TBXT: variants seen among roughly 807,000 people sequenced by gnomAD.
The protein encoded by TBXT is T brachyury transcription factor.
A neutral mutation model predicts 41.1 loss-of-function variants in TBXT; 19 were observed. The ratio of observed to expected loss-of-function variants is 0.46; its 90% confidence interval spans 0.32 to 0.68. The LOEUF is 0.68. Among genes scored for constraint, TBXT ranks in the 30% least tolerant of loss-of-function variants. TBXT has a pLI of 0.03. For missense variants in TBXT, 536 were observed against 582.0 expected (o/e 0.92, Z 0.81); for synonymous variants, 213 against 238.9 (o/e 0.89, Z 1.00).
chr6:166,158,011 G>T lies in TBXT; in HGVS notation c.*304C>A, dbSNP rs1778832582. ...CTGTATGAGAAATAAACCAAAAAAA[G>T]TTTCTGGACCCTGGCAAACATTTTT... On this transcript the variant is annotated 3_prime_UTR_variant, in exon 8 of 8. Coordinates refer to ENST00000366876, the MANE Select transcript of TBXT (RefSeq NM_001366285.2). 2.3e-5 allele frequency: 12 copies of T among 522,854 alleles called. No homozygotes were observed. In the South Asian group the frequency reaches 2.4e-4, roughly 10 times the overall value. The allele number at this position is 522,854 out of a possible 1,614,324, so 32.4% of individuals were successfully genotyped here.
intron 6 of TBXT, among the ~76,000 whole-genome samples, chr6:166,162,062 G>T (rs1372656959): frequency 6.6e-6 from 1 of 152,226 alleles, no homozygotes; most frequent in East Asian, 1.9e-4. Flanking sequence ...GGTGTAGTCA[G>T]GAATTCTTGA....
Position 166,158,458 on chromosome 6 carries a change from G to T in TBXT, c.1168C>A (p.Pro390Thr), listed in dbSNP as rs780160101. Residue 390 changes from proline (P) to threonine (T), a missense_variant, in exon 8 of 8, where the codon CCG becomes ACG. Coordinates refer to ENST00000366876, the MANE Select transcript of TBXT (RefSeq NM_001366285.2). ...SPAHYTPLTH[P>T]VSAPSSSGSP... is the part of the protein sequence containing the mutation. The stretch of plus-strand genomic sequence containing the variant: ...CCCGAGGAAGAGGGCGCCGAGACCG[G>T]ATGGGTGAGGGGTGTGTAGTGCGCG... The T allele has an allele frequency of 9.3e-6, 15 of 1,613,974 alleles. No individual in the cohort carries two copies. The Admixed American group carries it at 1.8e-4, about 20-fold the overall frequency.
At position 166,166,731 on chromosome 6, in the gene TBXT, GGCA is replaced by G; in HGVS notation, c.329_331del (p.Val110_Pro111delinsAla). 6.2e-7 allele frequency: 1 copy of G among 1,613,686 alleles called. No individual in the cohort carries two copies. Among genetic ancestry groups the G allele is most frequent in the Non-Finnish European group, 8.5e-7 (1 of 1,180,032 alleles). On this transcript the variant is annotated inframe_deletion, in exon 2 of 8. Coordinates refer to ENST00000366876, the MANE Select transcript of TBXT (RefSeq NM_001366285.2). ...CGCCTGCGGCTCCGGCTTGCCCCCC[GGCA>G]CCCATTCCCCGTTCACGTACTTCCA...
chr6:166,161,537 G>C (rs553138914), intron 6 of TBXT, among the ~76,000 whole-genome samples: 2 of 152,322 alleles, frequency 1.3e-5, no homozygotes, highest in African/African-American at 4.8e-5. Flanking sequence ...GACATATACA[G>C]TGTTATAGAG....
intron 7 of TBXT, among the ~76,000 whole-genome samples, chr6:166,159,555 G>A (rs1778891017): frequency 6.6e-6 from 1 of 152,180 alleles, no homozygotes. Flanking sequence ...ACTACTTATA[G>A]GCTGTGTTTC....
upstream of TBXT, among the ~76,000 whole-genome samples, chr6:166,168,106 A>C (rs1213922270): frequency 2.0e-5 from 3 of 151,750 alleles, no homozygotes; most frequent in Admixed American, 2.0e-4. Context: ...CCTTCTCCAA[A>C]TGTTTGCACC....
At chr6:166,165,991 C>A (rs1779099149) in intron 2 of TBXT, 151 bp from the exon 3 acceptor site, 2 of 1,186,622 alleles carry the variant, frequency 1.7e-6, no homozygotes, top group Admixed American at 1.7e-5. Flanking sequence ...GGAGGCTTCT[C>A]CGCGGTTTAT....
chr6:166,167,799 G>A lies in TBXT; in HGVS notation c.-208C>T. On this transcript the variant is annotated 5_prime_UTR_variant, in exon 1 of 8. Transcript: ENST00000366876. ...GGGGAGGGGACGGGGGCAGAGGGGT[G>A]GGGAGAAGTTATTCCACTTGAACTC... 4.8e-6 allele frequency: 3 copies of A among 629,386 alleles called. No individual in the cohort carries two copies. The highest frequency in any genetic ancestry group is 8.3e-6 in the Non-Finnish European group (3 of 361,496). 39.0% of individuals were successfully genotyped at this position (629,386 alleles called of 1,614,324 possible).
chr6:166,160,224 G>A (rs9295324), intron 7 of TBXT, among the ~76,000 whole-genome samples: 93,616 of 152,006 alleles, frequency 0.62, 28,939 homozygotes, highest in East Asian at 0.84. Context: ...TGCTTAATTT[G>A]TAAGCCTTTT....
chr6:166,166,527 G>T lies in TBXT; in HGVS notation c.471+65C>A, dbSNP rs1779120082. 4 of 1,610,014 alleles carry T rather than the reference G, an allele frequency of 2.5e-6. No homozygotes were observed. In the East Asian group the frequency reaches 6.7e-5, roughly 27 times the overall value. On this transcript the variant is annotated intron_variant, in intron 2 of 7. Coordinates refer to ENST00000366876, the MANE Select transcript of TBXT (RefSeq NM_001366285.2). ...AGCAGCGTCCCTTCCCACAACCCCC[G>T]TGCAGAAGGCGCAGCGCGGCCCCCT...
Position 166,167,557 on chromosome 6 carries a change from C to T in TBXT, c.35G>A (p.Ser12Asn). 6.3e-7 allele frequency: 1 copy of T among 1,584,272 alleles called. No homozygotes were observed. Among genetic ancestry groups the T allele is most frequent in the East Asian group, 2.3e-5 (1 of 43,414 alleles). Residue 12 changes from serine (S) to asparagine (N), a missense_variant, in exon 1 of 8, where the codon AGC becomes AAC. Coordinates refer to ENST00000366876, the MANE Select transcript of TBXT (RefSeq NM_001366285.2). Reference sequence around the variant, plus strand: ...CAGGTGGTCCACTCGGTACTGCAGGCTCTTTCCCGCGCTCTCGGTGCCAGG... The same window carrying T: ...CAGGTGGTCCACTCGGTACTGCAGGTTCTTTCCCGCGCTCTCGGTGCCAGG... ...SSPGTESAGK[S>N]LQYRVDHLLS...
intron 2 of TBXT, among the ~76,000 whole-genome samples, chr6:166,166,042 A>G (rs1224612622): frequency 6.6e-6 from 1 of 152,196 alleles, no homozygotes; most frequent in Non-Finnish European, 1.5e-5. Context: ...GGGATGTGAG[A>G]TGCTACACAC....
intron 1 of TBXT, 45 bp from the exon 2 acceptor site, chr6:166,166,901 G>C (rs1365223794): frequency 6.2e-7 from 1 of 1,611,854 alleles, no homozygotes; most frequent in African/African-American, 1.3e-5. Flanking sequence ...ACACTGACCA[G>C]GTAGGCCGGA....
At chr6:166,158,739 G>C in intron 7 of TBXT, 151 bp from the exon 8 acceptor site, 1 of 917,318 alleles carries the variant, frequency 1.1e-6, no homozygotes, top group Non-Finnish European at 1.6e-6. Context: ...AATTATTAAA[G>C]GACTCACAAG....
chr6:166,160,735 A>C (rs142955436), intron 7 of TBXT, 102 bp downstream of exon 7: 181 of 1,541,128 alleles, frequency 1.2e-4, no homozygotes, highest in Non-Finnish European at 1.5e-4. Context: ...ACCCACAGGG[A>C]CCAAGGAGAA....
chr6:166,163,246 A>T (rs915494942), intron 5 of TBXT, among the ~76,000 whole-genome samples: 1 of 152,132 alleles, frequency 6.6e-6, no homozygotes, highest in Middle Eastern at 3.4e-3. Context: ...CAGAGACGGG[A>T]GGTGCCTTCC....
chr6:166,165,871 C>T (rs750418654), intron 2 of TBXT, 31 bp from the exon 3 acceptor site: 2 of 1,613,726 alleles, frequency 1.2e-6, no homozygotes, highest in South Asian at 1.1e-5. Context: ...ATTGGTGGCA[C>T]TGAAAGGCCT....
chr6:166,163,201 A>T (rs973215452), intron 5 of TBXT, among the ~76,000 whole-genome samples: 2 of 152,132 alleles, frequency 1.3e-5, no homozygotes, highest in Non-Finnish European at 2.9e-5. Flanking sequence ...TGGTGCTTAG[A>T]CAAGGGTGCC....
chr6:166,162,028 G>A (rs1778973820), intron 6 of TBXT, among the ~76,000 whole-genome samples: 2 of 152,242 alleles, frequency 1.3e-5, no homozygotes, highest in Non-Finnish European at 2.9e-5. Flanking sequence ...GCTCTGGCCT[G>A]GGCACCGTAT....
Sources: gnomAD v4.1 joint callset for allele counts (sites outside exome capture counted in the v4.1 genomes callset) on GRCh38, gnomAD v4.1.1 for gene constraint, MANE v1.5 for transcripts, NCBI Gene and HGNC (gene_info 2026-07-23, HGNC 2026-07-21) for gene names.